Variants in DNAAF9 observed in about 807,000 individuals in gnomAD.
The protein encoded by DNAAF9 is dynein axonemal assembly factor 9, also known as shulin.
DNAAF9 carries 90 observed loss-of-function variants against 167.0 expected under a neutral mutation model. The observed-to-expected ratio is 0.54, with a 90% CI of 0.45 to 0.64. The LOEUF (loss-of-function observed/expected upper bound fraction) is 0.64. Ranked by LOEUF, DNAAF9 falls within the 30% of genes least tolerant of loss-of-function variation. DNAAF9 has a pLI of 0.00. For synonymous variants in DNAAF9, 491 were observed against 508.8 expected (o/e 0.96, Z 0.47); for missense variants, 1,315 against 1,442.2 (o/e 0.91, Z 1.43).
At chr20:3,291,024 G>C (rs2068942177) in intron 25 of DNAAF9, among the ~76,000 whole-genome samples, 1 of 151,862 alleles carries the variant, frequency 6.6e-6, no homozygotes, top group Admixed American at 6.6e-5. Context: ...CCTGACCTTG[G>C]GTGATCCACC....
At chr20:3,256,558 G>A (rs575904392) in intron 33 of DNAAF9, among the ~76,000 whole-genome samples, 2 of 152,284 alleles carry the variant, frequency 1.3e-5, no homozygotes, top group East Asian at 3.9e-4. Context: ...AAGAGAGAGA[G>A]ACAGAGAGGA....
intron 20 of DNAAF9, among the ~76,000 whole-genome samples, chr20:3,304,834 C>T (rs77199920): frequency 1.1e-3 from 162 of 152,308 alleles, no homozygotes; most frequent in African/African-American, 3.6e-3. Context: ...GTATCTTCCA[C>T]GGAAACACAC....
intron 6 of DNAAF9, among the ~76,000 whole-genome samples, chr20:3,367,912 T>TAA (rs1167692124): frequency 2.0e-5 from 2 of 98,872 alleles, no homozygotes; most frequent in Non-Finnish European, 4.5e-5. Context: ...ATCAATTTGT[T>TAA]TAAAAAAAAA....
chr20:3,264,639 G>A (rs2068454456), intron 30 of DNAAF9, 115 bp from the exon 31 acceptor site: 1 of 667,146 alleles, frequency 1.5e-6, no homozygotes, highest in Non-Finnish European at 2.7e-6. Flanking sequence ...GTGCAATCTT[G>A]GCTCATTGCA....
chr20:3,296,117 C>A, intron 23 of DNAAF9: 1 of 662,020 alleles, frequency 1.5e-6, no homozygotes. Flanking sequence ...ATGCACTTTA[C>A]ATGTACAAGG....
intron 7 of DNAAF9, among the ~76,000 whole-genome samples, chr20:3,356,161 G>A (rs1266282383): frequency 6.6e-6 from 1 of 152,128 alleles, no homozygotes; most frequent in African/African-American, 2.4e-5. Flanking sequence ...GGGATTACAG[G>A]CATGTGCCAC....
intron 33 of DNAAF9, among the ~76,000 whole-genome samples, chr20:3,258,176 T>TA (rs1050896525): frequency 6.6e-4 from 98 of 149,268 alleles, no homozygotes; most frequent in Non-Finnish European, 1.2e-3. Context: ...AAAAAAGAAA[T>TA]AAAAAAAAAG....
intron 1 of DNAAF9, among the ~76,000 whole-genome samples, chr20:3,390,863 C>T (rs1057086371): frequency 1.3e-5 from 2 of 152,186 alleles, no homozygotes; most frequent in Admixed American, 1.3e-4. Context: ...CAATCATTCT[C>T]TGCACTAGAA....
chr20:3,295,875 T>C (rs541028696), intron 23 of DNAAF9: 307 of 1,144,452 alleles, frequency 2.7e-4, no homozygotes, highest in Non-Finnish European at 3.7e-4. Context: ...AATGTTCTCA[T>C]GGGAGCCCAG....
At chr20:3,387,676 G>T (rs1304730247) in intron 1 of DNAAF9, among the ~76,000 whole-genome samples, 1 of 151,892 alleles carries the variant, frequency 6.6e-6, no homozygotes. Context: ...TGCATCAAAT[G>T]ACACAAGCAA....
chr20:3,269,988 T>G (rs1600679642), intron 30 of DNAAF9, among the ~76,000 whole-genome samples: 1 of 151,604 alleles, frequency 6.6e-6, no homozygotes, highest in South Asian at 2.1e-4. Flanking sequence ...AAAAACTGTT[T>G]TTTTTCTTTT....
At chr20:3,370,582 G>A (rs1468988382) in intron 6 of DNAAF9, among the ~76,000 whole-genome samples, 3 of 151,972 alleles carry the variant, frequency 2.0e-5, no homozygotes, top group African/African-American at 7.3e-5. Context: ...GCTAATTTTT[G>A]TATTTTTAGT....
chr20:3,376,839 T>C (rs1470199144), intron 3 of DNAAF9, among the ~76,000 whole-genome samples: 1 of 152,120 alleles, frequency 6.6e-6, no homozygotes, highest in Non-Finnish European at 1.5e-5. Flanking sequence ...CTGAGGCGGA[T>C]GGATCACGAG....
intron 36 of DNAAF9, among the ~76,000 whole-genome samples, chr20:3,253,356 A>C (rs2122718269): frequency 6.6e-6 from 1 of 152,222 alleles, no homozygotes; most frequent in Admixed American, 6.5e-5. Flanking sequence ...CAGGAGAATC[A>C]CTTGAACCTG....
At chr20:3,395,549 G>A (rs2083895915) in intron 1 of DNAAF9, among the ~76,000 whole-genome samples, 1 of 152,092 alleles carries the variant, frequency 6.6e-6, no homozygotes, top group South Asian at 2.1e-4. Context: ...TAAAGTGCTG[G>A]GGTTACAGGT....
chr20:3,344,791 G>C (rs1464884688), intron 8 of DNAAF9, among the ~76,000 whole-genome samples: 1 of 152,096 alleles, frequency 6.6e-6, no homozygotes, highest in Non-Finnish European at 1.5e-5. Flanking sequence ...TACAATATGA[G>C]TGTGCTTGTC....
chr20:3,259,421 A>G (rs2068339233), intron 33 of DNAAF9, 59 bp downstream of exon 33: 2 of 1,080,146 alleles, frequency 1.9e-6, no homozygotes, highest in Non-Finnish European at 2.9e-6. Context: ...CTCTGAACTC[A>G]CATCATGAGA....
At chr20:3,265,266 T>C (rs1196826815) in intron 30 of DNAAF9, among the ~76,000 whole-genome samples, 1 of 151,758 alleles carries the variant, frequency 6.6e-6, no homozygotes, top group Non-Finnish European at 1.5e-5. Context: ...CACGATCCAA[T>C]CAAGAATCAT....
At chr20:3,264,243 G>A (rs535298319) in intron 31 of DNAAF9, among the ~76,000 whole-genome samples, 195 bp downstream of exon 31, 84 of 152,236 alleles carry the variant, frequency 5.5e-4, no homozygotes, top group Non-Finnish European at 8.7e-4. Context: ...CTCGCAGTTT[G>A]GAGCCCAAGA....
Sources: allele counts gnomAD v4.1 joint callset (sites outside exome capture counted in the v4.1 genomes callset), GRCh38; gene constraint gnomAD v4.1.1; transcripts MANE v1.5; gene names NCBI Gene and HGNC (gene_info 2026-07-23, HGNC 2026-07-21).